The following SPTBN2 variants were observed in gnomAD, a reference collection of about 807,000 sequenced individuals.
The protein encoded by SPTBN2 is spectrin beta, non-erythrocytic 2.
SPTBN2 carries 107 observed loss-of-function variants against 284.2 expected under a neutral mutation model. The observed-to-expected ratio is 0.38, with a 90% confidence interval of 0.32 to 0.44. SPTBN2 has a LOEUF of 0.44. Ranked by LOEUF, SPTBN2 falls within the 20% of genes least tolerant of loss-of-function variation. SPTBN2 has a pLI of 1.00. For missense variants in SPTBN2, 2,569 were observed against 3,287.1 expected (o/e 0.78, Z 5.34); for synonymous variants, 1,289 against 1,354.8 (o/e 0.95, Z 1.07).
At position 66,688,719 on chromosome 11, in the gene SPTBN2, G is replaced by A. The variant is rs1286282641; in HGVS notation, c.6165C>T (p.His2055=). Residue 2055 remains histidine (H), a synonymous_variant, in exon 31 of 38, where the codon CAC becomes CAT. Coordinates refer to ENST00000533211, the MANE Select transcript of SPTBN2 (RefSeq NM_006946.4). ...VDEVESLIKR[H]EAFQKSAVAW... ...CCACTGCTGACTTCTGGAAGGCCTC[G>A]TGCCGCTTGATGAGGCTCTCAACTT... The A allele has an allele frequency of 7.4e-6, 12 of 1,613,826 alleles. No homozygotes were observed. The highest frequency in any genetic ancestry group is 2.2e-5 in the South Asian group (2 of 91,088).
Position 66,715,001 on chromosome 11 carries a change from G to A in SPTBN2, c.483+221C>T, listed in dbSNP as rs1942071479. ...ACCAACACACAGACCAGAACACAGG[G>A]AATTTGCCACAGGGGTGTGACATTC... On this transcript the variant is annotated intron_variant, in intron 5 of 37. Coordinates refer to ENST00000533211, the MANE Select transcript of SPTBN2 (RefSeq NM_006946.4). The surrounding 1 kb of genome is among the most constrained non-coding windows in gnomAD (Gnocchi z 5.3). 6.6e-6 allele frequency among the ~76,000 whole-genome samples: 1 copy of A among 152,210 alleles called. No individual in the cohort carries two copies. The highest frequency in any genetic ancestry group is 1.5e-5 in the Non-Finnish European group (1 of 68,046).
intron 1 of SPTBN2, among the ~76,000 whole-genome samples, chr11:66,742,055 G>T (rs1267311811): frequency 6.6e-6 from 1 of 152,128 alleles, no homozygotes; most frequent in African/African-American, 2.4e-5. Context: ...CTCCTGGCCT[G>T]AAACAATCCT....
intron 19 of SPTBN2, 98 bp downstream of exon 19, chr11:66,698,894 G>A: frequency 6.3e-7 from 1 of 1,597,774 alleles, no homozygotes; most frequent in East Asian, 2.2e-5. Context: ...AAGCCATGAA[G>A]GGGCTCACAG....
Position 66,686,026 on chromosome 11 carries a change from G to A in SPTBN2, c.7018C>T (p.Pro2340Ser), listed in dbSNP as rs753692834. The change falls in exon 38 of 38, where the codon CCG becomes TCG. Residue 2340 changes from proline (P) to serine (S), a missense_variant. Pro to Ser is a moderately conservative substitution (Grantham distance 74). This residue lies in a region of SPTBN2 where 1,130 missense variants were observed against 1,317.3 expected (regional missense o/e 0.86). Transcript: ENST00000533211. ...CCCCGGGTGGTGCTGGGCACCACCG[G>A]CTCTTCAGGCTCTCCAGAGGCAGAA... The part of the protein sequence containing the change: ...ASSASGEPEE[P>S]VVPSTTRGMT... 1.9e-6 allele frequency: 3 copies of A among 1,613,608 alleles called. No homozygotes were observed. Among genetic ancestry groups the A allele is most frequent in the Non-Finnish European group, 2.5e-6 (3 of 1,180,024 alleles).
Position 66,693,485 on chromosome 11 carries a change from G to C in SPTBN2, c.4594-39C>G. On this transcript the variant is annotated intron_variant, in intron 23 of 37. Coordinates refer to ENST00000533211, the MANE Select transcript of SPTBN2 (RefSeq NM_006946.4). This position sits in a 1 kb window ranked among gnomAD's most constrained non-coding sequence, Gnocchi z 5.7. Reference sequence around the variant, plus strand: ...CAGAAGAGAAAATGCTGAAAGTCCTGCCCCAGCCCCACGTGCTCCCGGAGA... The same window carrying C: ...CAGAAGAGAAAATGCTGAAAGTCCTCCCCCAGCCCCACGTGCTCCCGGAGA... 6.3e-7 allele frequency: 1 copy of C among 1,577,666 alleles called. No individual in the cohort carries two copies. Among genetic ancestry groups the C allele is most frequent in the Non-Finnish European group, 8.5e-7 (1 of 1,170,038 alleles).
chr11:66,689,317 A>T (rs1940376306), intron 29 of SPTBN2, 137 bp from the exon 30 acceptor site: 4 of 964,362 alleles, frequency 4.1e-6, no homozygotes, highest in Non-Finnish European at 4.6e-6. Flanking sequence ...TCTTATCACC[A>T]AGGCTGGAAT....
At chr11:66,702,937 C>CA (rs1170116245) in intron 15 of SPTBN2, among the ~76,000 whole-genome samples, 21,132 of 41,926 alleles carry the variant, frequency 0.5, 5,827 homozygotes, top group South Asian at 0.64. Flanking sequence ...GACTCCGTCT[C>CA]AAAAAAAAAA....
rs1320223406 is a variant in SPTBN2, at chr11:66,689,142, C to T, written c.5988G>A (p.Gln1996=). 4.3e-6 allele frequency: 7 copies of T among 1,610,448 alleles called. No individual in the cohort carries two copies. The highest frequency in any genetic ancestry group is 4.5e-5 in the East Asian group (2 of 44,844). ...EKLSQLQARR[Q]ETAEKWQEKM... ...TCTCCTGCCACTTCTCAGCTGTCTCCTGGCGCCGTGCCTGCAGCTGAGACA... is the reference window on the plus strand; with the variant it reads ...TCTCCTGCCACTTCTCAGCTGTCTCTTGGCGCCGTGCCTGCAGCTGAGACA... Residue 1996 remains glutamine, a synonymous_variant, in exon 30 of 38, where the codon CAG becomes CAA. Coordinates refer to ENST00000533211, the MANE Select transcript of SPTBN2 (RefSeq NM_006946.4).
intron 1 of SPTBN2, among the ~76,000 whole-genome samples, chr11:66,744,238 TA>T (rs1487839111): frequency 1.3e-5 from 2 of 152,152 alleles, no homozygotes; most frequent in Admixed American, 6.5e-5. Flanking sequence ...TGTATGGTTA[TA>T]AAAAAAATTC....
chr11:66,695,712 C>G (rs1387449687), intron 21 of SPTBN2, among the ~76,000 whole-genome samples: 1 of 152,028 alleles, frequency 6.6e-6, no homozygotes, highest in Non-Finnish European at 1.5e-5. Context: ...CTATAGAGTT[C>G]TCTTTACCAC....
At chr11:66,741,402 G>T (rs1483979411) in intron 1 of SPTBN2, among the ~76,000 whole-genome samples, 1 of 152,166 alleles carries the variant, frequency 6.6e-6, no homozygotes, top group African/African-American at 2.4e-5. Context: ...GGCCTCCCTA[G>T]CCATGATGAA....
chr11:66,692,839 T>G (rs1357429168), intron 25 of SPTBN2, 99 bp from the exon 26 acceptor site: 5 of 1,595,558 alleles, frequency 3.1e-6, no homozygotes, highest in African/African-American at 1.3e-5. Context: ...TCCCAACAGC[T>G]CGCCCACCCT....
intron 20 of SPTBN2, 148 bp downstream of exon 20, chr11:66,698,491 T>A: frequency 8.4e-7 from 1 of 1,184,506 alleles, no homozygotes; most frequent in Non-Finnish European, 1.2e-6. Flanking sequence ...AAGACGTTTG[T>A]TTCCCAGAGG....
chr11:66,710,548 G>C lies in SPTBN2; in HGVS notation c.1073+34C>G, dbSNP rs763245440. 6 of 1,607,296 alleles carry C rather than the reference G, an allele frequency of 3.7e-6. No individual in the cohort carries two copies. The East Asian group carries it at 9.0e-5, about 24-fold the overall frequency. ...TTAGGCTTCCTCTCGTGGGAGCACA[G>C]CTCAGGGAAGGGTGGGGCCCCAGGG... is the stretch of plus-strand genomic sequence containing the variant. On this transcript the variant is annotated intron_variant, in intron 10 of 37. Transcript: ENST00000533211. The surrounding 1 kb of genome is among the most constrained non-coding windows in gnomAD (Gnocchi z 4.9).
rs1472031602 is a variant in SPTBN2 at position 66,693,297 on chromosome 11, C to G, written c.4743G>C (p.Gly1581=). Residue 1581 remains glycine, a synonymous_variant, in exon 24 of 38, where the codon GGG becomes GGC. Transcript: ENST00000533211. This position sits in a 1 kb window ranked among gnomAD's most constrained non-coding sequence, Gnocchi z 5.7. ...KRLGHELELR[G]KRLEDALRAQ... ...CTCGCAGGGCATCCTCCAGTCGCTT[C>G]CCTCGAAGTTCCAGCTCGTGGCCCA... 1 of 1,613,388 alleles carries G rather than the reference C, an allele frequency of 6.2e-7. No individual in the cohort carries two copies. Among genetic ancestry groups the G allele is most frequent in the African/African-American group, 1.3e-5 (1 of 74,936 alleles).
chr11:66,704,544 C>T, intron 15 of SPTBN2, 54 bp downstream of exon 15: 1 of 1,552,508 alleles, frequency 6.4e-7, no homozygotes, highest in Non-Finnish European at 8.8e-7. Context: ...CACATCCTGG[C>T]CCCCCCACCC....
At chr11:66,730,551 G>A (rs1942793075), upstream of SPTBN2, among the ~76,000 whole-genome samples, 1 of 150,162 alleles carries the variant, frequency 6.7e-6, no homozygotes, top group South Asian at 2.1e-4. Context: ...CTGCACTTCA[G>A]CCTGGGCAAC....
At position 66,696,499 on chromosome 11, in the gene SPTBN2, G is replaced by A. The variant is rs767692958; in HGVS notation, c.4056C>T (p.Ala1352=). The change falls in exon 21 of 38, where the codon GCC becomes GCT. Residue 1352 remains alanine (A), a synonymous_variant. Coordinates refer to ENST00000533211, the MANE Select transcript of SPTBN2 (RefSeq NM_006946.4). ...ELTLEKPELK[A]LVSEKLRDLH... ...GGTCTCTCAGCTTCTCCGACACCAG[G>A]GCTTTCAGCTCTGGCTTCTCAAGGG... is the stretch of plus-strand genomic sequence containing the variant. The A allele has an allele frequency of 6.2e-7, 1 of 1,612,164 alleles. No homozygotes were observed. Among genetic ancestry groups the A allele is most frequent in the South Asian group, 1.1e-5 (1 of 91,090 alleles).
Position 66,701,116 on chromosome 11 carries a change from G to C in SPTBN2, c.2983C>G (p.Leu995Val), listed in dbSNP as rs774660690. The C allele has an allele frequency of 3.7e-6, 6 of 1,613,044 alleles. No individual in the cohort carries two copies. The highest frequency in any genetic ancestry group is 5.1e-6 in the Non-Finnish European group (6 of 1,180,046). The part of the protein sequence containing the change: ...QGLGNDLAGV[L>V]ALQRKLAGTE... ...CCGGCCAGCTTGCGCTGCAGGGCCA[G>C]CACCCCAGCCAGATCGTTGCCTAGG... Residue 995 changes from leucine to valine, a missense_variant, in exon 17 of 38, where the codon CTG (leucine) becomes GTG (valine). Physicochemically the swap from Leu to Val is conservative, Grantham distance 32. Transcript: ENST00000533211.
Sources: allele counts gnomAD v4.1 joint callset (sites outside exome capture counted in the v4.1 genomes callset), GRCh38; gene constraint gnomAD v4.1.1; regional missense constraint gnomAD v4.1.1; non-coding constraint Gnocchi (gnomAD v3.1); transcripts MANE v1.5; gene names NCBI Gene and HGNC (gene_info 2026-07-23, HGNC 2026-07-21).